The following PTPRM variants were observed in gnomAD, a reference collection of about 807,000 sequenced individuals.
The protein encoded by PTPRM is protein tyrosine phosphatase receptor type M, also known as receptor-type tyrosine-protein phosphatase mu.
A neutral mutation model predicts 186.7 loss-of-function variants in PTPRM; 47 were observed. The observed-to-expected ratio is 0.25, with a 90% confidence interval of 0.20 to 0.32. The LOEUF (loss-of-function observed/expected upper bound fraction) is 0.32, where lower values mean the gene tolerates loss of function less well. Ranked by LOEUF, PTPRM falls within the 10% of genes least tolerant of loss-of-function variation. The pLI, the probability that PTPRM is intolerant of heterozygous loss-of-function variation, is 1.00. For missense variants in PTPRM, 1,494 were observed against 1,865.0 expected, an observed-to-expected ratio of 0.80 and a Z score of 3.66; for synonymous variants, 668 against 674.9, an observed-to-expected ratio of 0.99 and a Z score of 0.16.
intron 7 of PTPRM, among the ~76,000 whole-genome samples, chr18:8,063,279 G>T (rs377192450): frequency 2.0e-5 from 3 of 150,978 alleles, no homozygotes; most frequent in Admixed American, 6.6e-5. Context: ...GACCCCTTGC[G>T]CTTCCCAGGT....
rs75393745 is a variant in PTPRM, at chr18:8,160,939, A to G, written c.2300+17160A>G. On this transcript the variant is annotated intron_variant, in intron 14 of 32. Transcript: ENST00000580170. Reference sequence around the variant, plus strand: ...GTGCCTAGTTATTGGGAGCTATCAAAATGTTCTTTGTTCTTTATCCTTTTA... The same window carrying G: ...GTGCCTAGTTATTGGGAGCTATCAAGATGTTCTTTGTTCTTTATCCTTTTA... Among the ~76,000 whole-genome samples, 1,262 of 152,318 alleles carry G rather than the reference A, an allele frequency of 8.3e-3. 19 individuals are homozygous for G. Among genetic ancestry groups the G allele is most frequent in the African/African-American group, 0.029 (1,220 of 41,588 alleles).
chr18:7,642,447 C>T (rs1305322247), intron 1 of PTPRM, among the ~76,000 whole-genome samples: 1 of 152,164 alleles, frequency 6.6e-6, no homozygotes, highest in African/African-American at 2.4e-5. Context: ...GTGGCATTAG[C>T]CTGTCAACAG....
intron 22 of PTPRM, among the ~76,000 whole-genome samples, chr18:8,341,268 A>C (rs2095472993): frequency 6.6e-6 from 1 of 152,234 alleles, no homozygotes; most frequent in African/African-American, 2.4e-5. Context: ...TGGGTTTAAC[A>C]TAACACTGTC....
intron 19 of PTPRM, among the ~76,000 whole-genome samples, chr18:8,270,800 A>C (rs1192065541): frequency 1.3e-5 from 2 of 152,194 alleles, no homozygotes; most frequent in Admixed American, 6.5e-5. Flanking sequence ...AATCTAAAAA[A>C]GTCATAGAAA....
rs1441771495 is a variant in PTPRM at position 8,139,550 on chromosome 18, G to A, written c.2168-4097G>A. ...ATCCTCCCAAGGCTTCTCAAGCAGA[G>A]AGAGTCCTTCCAGCTATCTAAGGAG... On this transcript the variant is annotated intron_variant, in intron 13 of 32. Transcript: ENST00000580170. Among the ~76,000 whole-genome samples, 5 of 152,322 alleles carry A rather than the reference G, an allele frequency of 3.3e-5. No individual in the cohort carries two copies. In the East Asian group the frequency reaches 5.8e-4, roughly 18 times the overall value.
At chr18:8,352,838 C>G (rs1345815063) in intron 23 of PTPRM, among the ~76,000 whole-genome samples, 1 of 151,740 alleles carries the variant, frequency 6.6e-6, no homozygotes, top group Non-Finnish European at 1.5e-5. Context: ...GCCTGGCTAA[C>G]TTTTTGTATT....
At chr18:7,614,841 T>C (rs1402368276) in intron 1 of PTPRM, among the ~76,000 whole-genome samples, 1 of 151,266 alleles carries the variant, frequency 6.6e-6, no homozygotes, top group Non-Finnish European at 1.5e-5. Context: ...TGTTTTTGAC[T>C]CCAGGGAACC....
intron 7 of PTPRM, among the ~76,000 whole-genome samples, chr18:7,983,548 C>T (rs982487259): frequency 5.3e-5 from 8 of 152,070 alleles, no homozygotes; most frequent in African/African-American, 1.9e-4. Flanking sequence ...TTGTCTCTGG[C>T]TTTCTCATCA....
At chr18:8,209,850 T>A (rs2093978311) in intron 14 of PTPRM, among the ~76,000 whole-genome samples, 1 of 150,770 alleles carries the variant, frequency 6.6e-6, no homozygotes, top group Admixed American at 6.6e-5. Context: ...AGGGAGAGCA[T>A]TAGGACAAAT....
At chr18:8,229,758 T>G (rs2094261581) in intron 14 of PTPRM, among the ~76,000 whole-genome samples, 1 of 152,216 alleles carries the variant, frequency 6.6e-6, no homozygotes, top group Non-Finnish European at 1.5e-5. Flanking sequence ...TGAGAAAGAC[T>G]AATTTTTATT....
chr18:7,909,088 A>G (rs2050138401), intron 4 of PTPRM, among the ~76,000 whole-genome samples: 1 of 152,204 alleles, frequency 6.6e-6, no homozygotes, highest in South Asian at 2.1e-4. Context: ...TTTCTATTAC[A>G]TATCCTGGGC....
chr18:7,748,322 C>T (rs539689266), intron 1 of PTPRM, among the ~76,000 whole-genome samples: 6 of 152,310 alleles, frequency 3.9e-5, no homozygotes, highest in East Asian at 1.9e-4. Context: ...CTGTGTTGAA[C>T]GGTACAGCTG....
intron 1 of PTPRM, among the ~76,000 whole-genome samples, chr18:7,693,583 A>G (rs1388080147): frequency 6.6e-6 from 1 of 152,220 alleles, no homozygotes; most frequent in Non-Finnish European, 1.5e-5. Context: ...TTGACTACCT[A>G]CCATGTGAAA....
chr18:7,808,749 CTAAATA>C (rs2044360795), intron 2 of PTPRM, among the ~76,000 whole-genome samples: 1 of 152,064 alleles, frequency 6.6e-6, no homozygotes, highest in South Asian at 2.1e-4. Context: ...AAGTTAAACT[CTAAATA>C]TAAGAAATGA....
intron 19 of PTPRM, among the ~76,000 whole-genome samples, chr18:8,286,250 G>T (rs1354355851): frequency 6.6e-6 from 1 of 152,174 alleles, no homozygotes; most frequent in African/African-American, 2.4e-5. Context: ...AATCACATTA[G>T]TGAAATGAGT....
intron 1 of PTPRM, among the ~76,000 whole-genome samples, chr18:7,612,892 A>T (rs1244352328): frequency 1.3e-5 from 2 of 152,162 alleles, no homozygotes; most frequent in Non-Finnish European, 2.9e-5. Flanking sequence ...CATCGAGTAG[A>T]AGGGAGGGTT....
chr18:7,732,901 C>G (rs560982482), intron 1 of PTPRM, among the ~76,000 whole-genome samples: 6 of 152,120 alleles, frequency 3.9e-5, no homozygotes, highest in Non-Finnish European at 7.4e-5. Context: ...TCCAGGGCTC[C>G]CTATGCAGCC....
intron 11 of PTPRM, among the ~76,000 whole-genome samples, chr18:8,090,112 T>C (rs971467416): frequency 2.6e-5 from 4 of 152,322 alleles, no homozygotes; most frequent in African/African-American, 9.6e-5. Context: ...CCAGGCCCTC[T>C]GGGTTGATTC....
chr18:7,891,651 G>T (rs2049088695), intron 3 of PTPRM, among the ~76,000 whole-genome samples: 1 of 152,036 alleles, frequency 6.6e-6, no homozygotes, highest in African/African-American at 2.4e-5. Flanking sequence ...TAGGCAGGTG[G>T]ATTGCTTGAG....
Sources: gnomAD v4.1 joint callset for allele counts (sites outside exome capture counted in the v4.1 genomes callset) on GRCh38, gnomAD v4.1.1 for gene constraint, MANE v1.5 for transcripts, NCBI Gene and HGNC (gene_info 2026-07-23, HGNC 2026-07-21) for gene names.